Variants in USP28 observed in about 807,000 individuals in gnomAD.
USP28 encodes the protein ubiquitin carboxyl-terminal hydrolase 28.
Under a neutral mutation model 145.0 loss-of-function variants are expected in USP28, and 113 were observed. The ratio of observed to expected loss-of-function variants is 0.78; its 90% confidence interval spans 0.67 to 0.91. The LOEUF is 0.91. USP28 is among the 40% of genes least tolerant of loss of function. USP28 has a pLI of 0.00. For synonymous variants in USP28, 447 were observed against 450.9 expected (o/e 0.99, Z 0.11); for missense variants, 1,201 against 1,289.6 (o/e 0.93, Z 1.05).
intron 12 of USP28, chr11:113,821,403 T>C: frequency 4.4e-6 from 1 of 227,998 alleles, no homozygotes; most frequent in South Asian, 8.1e-5. Context: ...TCTGGGATGC[T>C]CCAAAGCATT....
At chr11:113,817,860 C>T in intron 12 of USP28, 23 bp from the exon 13 acceptor site, 1 of 1,610,344 alleles carries the variant, frequency 6.2e-7, no homozygotes, top group East Asian at 2.2e-5. Context: ...GACAGTGGTA[C>T]TCTACTGCCC....
intron 9 of USP28, among the ~76,000 whole-genome samples, chr11:113,830,276 A>AT (rs1176433344): frequency 6.6e-6 from 1 of 152,128 alleles, no homozygotes; most frequent in Non-Finnish European, 1.5e-5. Flanking sequence ...TTAAAATGCT[A>AT]TTTTTCAGAG....
chr11:113,812,616 A>C, intron 15 of USP28, 112 bp from the exon 16 acceptor site: 1 of 924,304 alleles, frequency 1.1e-6, no homozygotes, highest in Non-Finnish European at 1.6e-6. Flanking sequence ...TTCATATTAA[A>C]ACATCTTGTT....
intron 2 of USP28, among the ~76,000 whole-genome samples, chr11:113,852,884 T>C (rs904935439): frequency 2.0e-5 from 3 of 152,090 alleles, no homozygotes; most frequent in Non-Finnish European, 4.4e-5. Context: ...TTGATGGAGA[T>C]TTGTTCCCAT....
intron 16 of USP28, among the ~76,000 whole-genome samples, chr11:113,811,979 A>G (rs1010080511): frequency 3.3e-5 from 5 of 152,152 alleles, no homozygotes; most frequent in South Asian, 2.1e-4. Flanking sequence ...CTTGGGGAAA[A>G]GGGGGAGGGG....
chr11:113,821,978 G>A (rs1189783528), intron 12 of USP28: 1 of 151,932 alleles, frequency 6.6e-6, no homozygotes, highest in African/African-American at 2.4e-5. Context: ...ACAACTCGAA[G>A]GTCTCATTTT....
intron 18 of USP28, 103 bp downstream of exon 19, chr11:113,807,848 C>G (rs1940277763): frequency 3.7e-6 from 3 of 806,484 alleles, no homozygotes; most frequent in Non-Finnish European, 3.0e-6. Context: ...TCATTTTTTG[C>G]AACGAGAAAA....
chr11:113,835,188 A>C (rs1944431723), intron 5 of USP28: 1 of 427,620 alleles, frequency 2.3e-6, no homozygotes, highest in Admixed American at 2.9e-5. Context: ...TGCAAATCAC[A>C]TTTTTCTACT....
At chr11:113,874,211 GA>G (rs1343271198) in intron 1 of USP28, among the ~76,000 whole-genome samples, 2 of 150,902 alleles carry the variant, frequency 1.3e-5, no homozygotes, top group African/African-American at 4.9e-5. Flanking sequence ...CAGCACTCTG[GA>G]AGGCCGAGGC....
At chr11:113,813,485 A>C (rs1427388458) in intron 15 of USP28, among the ~76,000 whole-genome samples, 1 of 152,256 alleles carries the variant, frequency 6.6e-6, no homozygotes, top group East Asian at 1.9e-4. Flanking sequence ...ACAGAAATAA[A>C]GCTTGAACGC....
intron 3 of USP28, among the ~76,000 whole-genome samples, chr11:113,849,063 C>T (rs892710459): frequency 6.6e-6 from 1 of 152,168 alleles, no homozygotes; most frequent in East Asian, 1.9e-4. Context: ...GTCTTGCTGG[C>T]GGATGTCAGA....
At chr11:113,812,330 C>T in exon 16 of USP28, 1 of 1,614,150 alleles carries the variant, frequency 6.2e-7, no homozygotes, top group Non-Finnish European at 8.5e-7. Flanking sequence ...TAAGCACTAA[C>T]ATTTCTCAGG....
intron 9 of USP28, among the ~76,000 whole-genome samples, chr11:113,830,165 C>T (rs1009458714): frequency 6.6e-6 from 1 of 151,648 alleles, no homozygotes; most frequent in African/African-American, 2.4e-5. Flanking sequence ...GAATCACACA[C>T]TGGGGTCCTG....
intron 11 of USP28, among the ~76,000 whole-genome samples, chr11:113,825,342 C>T (rs12222411): frequency 0.016 from 2,450 of 152,228 alleles, 35 homozygotes; most frequent in South Asian, 0.043. Context: ...ATTAGAAACA[C>T]TTATAATTCC....
rs1052351816 is a variant in USP28, at chr11:113,865,086, C to G, written c.57+10359G>C. On this transcript the variant is annotated intron_variant, in intron 1 of 24. Transcript: ENST00000003302. ...AACTCCTGAGGTCAAGCAATCCCCC[C>G]CGTCTCGGCCTCTTCCCAAAGTGAT... Among the ~76,000 whole-genome samples the G allele has an allele frequency of 1.3e-4, 20 of 152,292 alleles. No homozygotes were observed. The East Asian group carries it at 3.5e-3, about 26-fold the overall frequency.
At chr11:113,799,492 C>T in intron 24 of USP28, 77 bp from the exon 26 acceptor site, 11 of 1,479,420 alleles carry the variant, frequency 7.4e-6, no homozygotes, top group South Asian at 1.3e-5. Context: ...TTCTATTAGC[C>T]CCTTACCTAA....
At chr11:113,858,245 C>T (rs1341803727) in intron 1 of USP28, among the ~76,000 whole-genome samples, 1 of 152,174 alleles carries the variant, frequency 6.6e-6, no homozygotes, top group South Asian at 2.1e-4. Flanking sequence ...CAACAATGTT[C>T]TACATGGAAA....
In USP28 at chr11:113,826,140, G is replaced by C. The variant is rs553203300; in HGVS notation, c.1187+1093C>G. On this transcript the variant is annotated intron_variant, in intron 11 of 24. Coordinates refer to ENST00000003302, the Ensembl canonical transcript of USP28. ...TCTACTAAAAATACTAAAATTAGCT[G>C]GGTGTGGTGGTGCGTGCCTGTAATC... Among the ~76,000 whole-genome samples the C allele has an allele frequency of 7.2e-5, 11 of 151,884 alleles. No individual in the cohort carries two copies. In the East Asian group the frequency reaches 1.8e-3, roughly 24 times the overall value.
chr11:113,871,037 T>C (rs907696015), intron 1 of USP28, among the ~76,000 whole-genome samples: 1 of 152,176 alleles, frequency 6.6e-6, no homozygotes, highest in East Asian at 1.9e-4. Flanking sequence ...AAGAATCTTG[T>C]CAAAAGGCAG....
Sources: gnomAD v4.1 joint callset for allele counts (sites outside exome capture counted in the v4.1 genomes callset) on GRCh38, gnomAD v4.1.1 for gene constraint, MANE v1.5 for transcripts, NCBI Gene and HGNC (gene_info 2026-07-23, HGNC 2026-07-21) for gene names.